SH2D4A: variants seen among roughly 807,000 people sequenced by gnomAD.
SH2D4A encodes SH2 domain-containing protein 4A.
SH2D4A carries 70 observed loss-of-function variants against 64.7 expected under a neutral mutation model. The ratio of observed to expected loss-of-function variants is 1.08; its 90% CI spans 0.89 to 1.32. The LOEUF is 1.32. Ranked by LOEUF, SH2D4A falls within the 40% of genes most tolerant of loss-of-function variation. The probability of loss-of-function intolerance (pLI) is 0.00; values close to 1 mark genes in which losing one functional copy is unlikely to be tolerated. For synonymous variants in SH2D4A, 268 were observed against 200.7 expected (o/e 1.34, Z -2.83); for missense variants, 706 against 540.1 (o/e 1.31, Z -3.04).
At chr8:19,335,111 G>A (rs1011336687) in intron 4 of SH2D4A, among the ~76,000 whole-genome samples, 2 of 151,912 alleles carry the variant, frequency 1.3e-5, no homozygotes, top group East Asian at 3.9e-4. Context: ...GTGAAACCCC[G>A]TGTCTACTAA....
chr8:19,324,680 A>G (rs959623767), intron 2 of SH2D4A, among the ~76,000 whole-genome samples: 10 of 152,088 alleles, frequency 6.6e-5, no homozygotes, highest in African/African-American at 2.4e-4. Context: ...TGTATTCCCC[A>G]GGGGGTGCCT....
At chr8:19,359,838 C>T (rs552928146) in intron 5 of SH2D4A, among the ~76,000 whole-genome samples, 1 of 151,410 alleles carries the variant, frequency 6.6e-6, no homozygotes, top group Non-Finnish European at 1.5e-5. Context: ...AATGTTTATA[C>T]TTTACGTTGT....
At chr8:19,363,874 A>G (rs2052936338) in intron 6 of SH2D4A, 198 bp from the exon 7 acceptor site, 1 of 594,538 alleles carries the variant, frequency 1.7e-6, no homozygotes, top group African/African-American at 1.9e-5. Flanking sequence ...GTCCTGTATG[A>G]AGAGAGGAAT....
chr8:19,323,164 A>G (rs1043094660), intron 2 of SH2D4A, among the ~76,000 whole-genome samples: 4 of 152,102 alleles, frequency 2.6e-5, no homozygotes, highest in Admixed American at 2.6e-4. Flanking sequence ...CGCACCGTCC[A>G]GTGCAGTCAC....
chr8:19,332,129 A>T (rs1431503611), intron 2 of SH2D4A, among the ~76,000 whole-genome samples: 1 of 152,144 alleles, frequency 6.6e-6, no homozygotes, highest in Non-Finnish European at 1.5e-5. Context: ...AATAAAATAC[A>T]ATATAAATAA....
intron 4 of SH2D4A, among the ~76,000 whole-genome samples, chr8:19,338,389 G>A (rs1014764197): frequency 4.6e-5 from 7 of 152,110 alleles, no homozygotes; most frequent in East Asian, 1.9e-4. Context: ...TCAGACCCAC[G>A]AACACGTTAC....
chr8:19,368,581 A>G (rs1041715780), intron 7 of SH2D4A, among the ~76,000 whole-genome samples: 1 of 131,546 alleles, frequency 7.6e-6, no homozygotes, highest in Non-Finnish European at 1.6e-5. Flanking sequence ...ATTCCTAGTT[A>G]TTTTATTTTA....
At chr8:19,374,714 A>G (rs1260847555) in intron 8 of SH2D4A, among the ~76,000 whole-genome samples, 1 of 152,172 alleles carries the variant, frequency 6.6e-6, no homozygotes, top group Non-Finnish European at 1.5e-5. Context: ...TTAAGTATCC[A>G]TCTCAGAGGA....
At chr8:19,333,564 C>T (rs1221883160) in intron 3 of SH2D4A, among the ~76,000 whole-genome samples, 1 of 152,120 alleles carries the variant, frequency 6.6e-6, no homozygotes, top group Non-Finnish European at 1.5e-5. Flanking sequence ...AAGGAGATCA[C>T]TTAGATACAG....
chr8:19,392,150 G>A (rs956398624), intron 8 of SH2D4A, among the ~76,000 whole-genome samples: 1 of 152,180 alleles, frequency 6.6e-6, no homozygotes, highest in East Asian at 1.9e-4. Context: ...GGAAAAGGCT[G>A]GTCTGGAGTA....
chr8:19,363,133 T>A (rs1384265760), intron 6 of SH2D4A, among the ~76,000 whole-genome samples: 1 of 152,056 alleles, frequency 6.6e-6, no homozygotes, highest in Non-Finnish European at 1.5e-5. Flanking sequence ...TGGAGTGCGA[T>A]GGTGTGATCT....
chr8:19,360,058 A>C (rs1236304911), intron 5 of SH2D4A, among the ~76,000 whole-genome samples: 1 of 152,194 alleles, frequency 6.6e-6, no homozygotes, highest in East Asian at 1.9e-4. Context: ...CCAAATAAGC[A>C]AAGTACTTTT....
chr8:19,373,507 TG>T (rs781593668), intron 7 of SH2D4A, 22 bp from the exon 8 acceptor site: 98 of 1,554,314 alleles, frequency 6.3e-5, no homozygotes, highest in Non-Finnish European at 8.2e-5. Context: ...AAATCTAACT[TG>T]AAAAACTTTT....
At chr8:19,391,781 T>G (rs1390778370) in intron 8 of SH2D4A, among the ~76,000 whole-genome samples, 1 of 152,240 alleles carries the variant, frequency 6.6e-6, no homozygotes. Context: ...TTTATTTTAC[T>G]CTGGAGAGAG....
chr8:19,383,426 T>A (rs974705754), intron 8 of SH2D4A, among the ~76,000 whole-genome samples: 3 of 152,152 alleles, frequency 2.0e-5, no homozygotes, highest in Admixed American at 1.3e-4. Flanking sequence ...TTTCTCTTTA[T>A]ACTTACATTT....
chr8:19,335,127 CA>C (rs747342686), intron 4 of SH2D4A, among the ~76,000 whole-genome samples: 72 of 145,656 alleles, frequency 4.9e-4, no homozygotes, highest in South Asian at 6.5e-4. Flanking sequence ...ACTAAAAATA[CA>C]AAAAAAAAAA....
intron 4 of SH2D4A, among the ~76,000 whole-genome samples, chr8:19,340,265 T>A (rs529974399): frequency 1.3e-4 from 20 of 152,262 alleles, no homozygotes; most frequent in South Asian, 1.0e-3. Flanking sequence ...AGACAGGGTC[T>A]TGGGGGCTAC....
At chr8:19,345,455 G>C (rs1312140372) in intron 4 of SH2D4A, among the ~76,000 whole-genome samples, 1 of 152,244 alleles carries the variant, frequency 6.6e-6, no homozygotes, top group African/African-American at 2.4e-5. Flanking sequence ...ACGAGGTCTA[G>C]ACTTTTGTAT....
chr8:19,356,400 A>C (rs1212746454), intron 4 of SH2D4A, among the ~76,000 whole-genome samples: 1 of 152,186 alleles, frequency 6.6e-6, no homozygotes, highest in Non-Finnish European at 1.5e-5. Flanking sequence ...ACTCAGACAC[A>C]AGGCATATAC....
Sources: gnomAD v4.1 joint callset for allele counts (sites outside exome capture counted in the v4.1 genomes callset) on GRCh38, gnomAD v4.1.1 for gene constraint, MANE v1.5 for transcripts, NCBI Gene and HGNC (gene_info 2026-07-23, HGNC 2026-07-21) for gene names.